The following TMOD2 variants were observed in gnomAD, a reference collection of about 807,000 sequenced individuals.
TMOD2 encodes tropomodulin 2.
TMOD2 carries 22 observed loss-of-function variants against 39.9 expected under a neutral mutation model. The observed-to-expected ratio is 0.55, with a 90% CI of 0.39 to 0.79. The LOEUF is 0.79. Among genes scored for constraint, TMOD2 ranks in the 30% least tolerant of loss-of-function variants. TMOD2 has a pLI of 0.00. For synonymous variants in TMOD2, 123 were observed against 146.1 expected (o/e 0.84, Z 1.14); for missense variants, 386 against 413.3 (o/e 0.93, Z 0.57).
At chr15:51,769,584 C>T (rs763092586) in intron 3 of TMOD2, among the ~76,000 whole-genome samples, 1 of 152,174 alleles carries the variant, frequency 6.6e-6, no homozygotes, top group Non-Finnish European at 1.5e-5. Flanking sequence ...ATAGGAAACC[C>T]TCCTCCTTAG....
At chr15:51,800,934 G>C (rs1372503478) in intron 8 of TMOD2, among the ~76,000 whole-genome samples, 1 of 152,114 alleles carries the variant, frequency 6.6e-6, no homozygotes, top group Non-Finnish European at 1.5e-5. Flanking sequence ...CAAACTCCTG[G>C]GTTCAAGCCA....
chr15:51,798,391 G>A (rs1567246609), intron 8 of TMOD2, 51 bp downstream of exon 8: 1 of 1,590,122 alleles, frequency 6.3e-7, no homozygotes, highest in Non-Finnish European at 8.5e-7. Flanking sequence ...TGTGCAGTGA[G>A]CGGGGGAAAT....
chr15:51,782,936 C>T, intron 7 of TMOD2, 108 bp downstream of exon 7: 1 of 1,018,204 alleles, frequency 9.8e-7, no homozygotes, highest in South Asian at 1.5e-5. Flanking sequence ...AACTTACCTT[C>T]TACACAGTTA....
At chr15:51,765,504 G>A (rs1451016354) in intron 1 of TMOD2, among the ~76,000 whole-genome samples, 1 of 152,142 alleles carries the variant, frequency 6.6e-6, no homozygotes, top group Non-Finnish European at 1.5e-5. Flanking sequence ...AGATGTGATT[G>A]GTGGTAATAC....
intron 7 of TMOD2, chr15:51,783,742 AGAT>A (rs2055948109): frequency 7.2e-6 from 1 of 138,290 alleles, no homozygotes; most frequent in South Asian, 2.5e-4. Context: ...CAATAGAACG[AGAT>A]GATAGATAGA....
Position 51,766,499 on chromosome 15 carries a change from C to T in TMOD2, c.58C>T (p.Leu20Phe). The change falls in exon 2 of 10, where the codon CTT becomes TTT. Residue 20 changes from leucine (L) to phenylalanine (F), a missense_variant. Leu to Phe is a conservative substitution (Grantham distance 22). Coordinates refer to ENST00000249700, the MANE Select transcript of TMOD2 (RefSeq NM_014548.4). The part of the protein sequence containing the change: ...EKYKNIDEDE[L>F]LGKLSEEELK... Reference sequence around the variant, plus strand: ...ATACAAGAACATTGATGAAGATGAGCTTCTTGGCAAACTCTCAGAAGAGGA... The same window carrying T: ...ATACAAGAACATTGATGAAGATGAGTTTCTTGGCAAACTCTCAGAAGAGGA... 6.2e-7 allele frequency: 1 copy of T among 1,613,936 alleles called. No homozygotes were observed. Among genetic ancestry groups the T allele is most frequent in the East Asian group, 2.2e-5 (1 of 44,872 alleles).
At chr15:51,775,564 TTTTTCC>T (rs1186830514) in intron 4 of TMOD2, among the ~76,000 whole-genome samples, 108 of 111,414 alleles carry the variant, frequency 9.7e-4, no homozygotes, top group African/African-American at 3.5e-3. Context: ...TGACAAATTC[TTTTTCC>T]TTTTTTTTTT....
At chr15:51,787,035 C>T (rs1158165014) in intron 7 of TMOD2, among the ~76,000 whole-genome samples, 2 of 152,156 alleles carry the variant, frequency 1.3e-5, no homozygotes, top group African/African-American at 4.8e-5. Flanking sequence ...TCACCTCACC[C>T]GGGAAGGGGT....
At chr15:51,773,964 G>T in intron 4 of TMOD2, 130 bp downstream of exon 4, 1 of 1,054,282 alleles carries the variant, frequency 9.5e-7, no homozygotes, top group Non-Finnish European at 1.4e-6. Flanking sequence ...GCATTATGGA[G>T]CTGTAAGTCT....
At chr15:51,769,955 C>T (rs1005387123) in intron 3 of TMOD2, among the ~76,000 whole-genome samples, 2 of 152,238 alleles carry the variant, frequency 1.3e-5, no homozygotes, top group African/African-American at 4.8e-5. Context: ...TGCTTGAACC[C>T]AGGAGGTCAA....
chr15:51,785,140 C>T (rs1038459604), intron 7 of TMOD2, among the ~76,000 whole-genome samples: 25 of 152,062 alleles, frequency 1.6e-4, no homozygotes, highest in Admixed American at 8.5e-4. Flanking sequence ...GGGCCGGGCG[C>T]GGTGGCTCAC....
chr15:51,801,227 T>TCACA (rs1226187762), intron 8 of TMOD2, among the ~76,000 whole-genome samples: 10 of 94,908 alleles, frequency 1.1e-4, no homozygotes, highest in South Asian at 6.2e-4. Flanking sequence ...CCTCTCTCTC[T>TCACA]CTCTCTCTCT....
chr15:51,772,010 G>C (rs1231361382), intron 3 of TMOD2, among the ~76,000 whole-genome samples: 1 of 152,174 alleles, frequency 6.6e-6, no homozygotes, highest in Non-Finnish European at 1.5e-5. Flanking sequence ...GGAGTGCCCA[G>C]CTCTGACACA....
chr15:51,789,823 C>CATG (rs2055997541), intron 7 of TMOD2, among the ~76,000 whole-genome samples: 2 of 152,178 alleles, frequency 1.3e-5, no homozygotes, highest in African/African-American at 4.8e-5. Flanking sequence ...AGAACAAAGA[C>CATG]ACAGCGTACC....
chr15:51,776,681 C>T (rs543579587), intron 4 of TMOD2, among the ~76,000 whole-genome samples: 1 of 152,236 alleles, frequency 6.6e-6, no homozygotes, highest in Admixed American at 6.5e-5. Flanking sequence ...CCATAATTAG[C>T]CACTGTTCCT....
chr15:51,787,132 C>T (rs1452611271), intron 7 of TMOD2, among the ~76,000 whole-genome samples: 3 of 142,878 alleles, frequency 2.1e-5, no homozygotes, highest in African/African-American at 6.1e-5. Flanking sequence ...CCAAATACCG[C>T]GCTTTTTCCA....
chr15:51,778,597 A>G (rs1374703129), intron 5 of TMOD2, among the ~76,000 whole-genome samples: 1 of 148,114 alleles, frequency 6.8e-6, no homozygotes, highest in African/African-American at 2.5e-5. Context: ...AGATCATGTC[A>G]GTACAGTGTG....
chr15:51,770,040 A>T (rs2055842736), intron 3 of TMOD2, among the ~76,000 whole-genome samples: 3 of 152,114 alleles, frequency 2.0e-5, no homozygotes, highest in African/African-American at 7.2e-5. Flanking sequence ...CAAAATAAAT[A>T]AACAAACAAA....
chr15:51,800,824 G>A (rs1429830619), intron 8 of TMOD2, among the ~76,000 whole-genome samples: 2 of 152,082 alleles, frequency 1.3e-5, no homozygotes. Flanking sequence ...TCCCACTTCA[G>A]CCTTCTGAGT....
Sources: allele counts gnomAD v4.1 joint callset (sites outside exome capture counted in the v4.1 genomes callset), GRCh38; gene constraint gnomAD v4.1.1; transcripts MANE v1.5; gene names NCBI Gene and HGNC (gene_info 2026-07-23, HGNC 2026-07-21).